Variants in LARP1B observed in about 807,000 individuals in gnomAD.
LARP1B encodes La ribonucleoprotein 1B, also known as la-related protein 1B.
In LARP1B, 76 loss-of-function variants were observed where a neutral mutation model predicts 114.2. The ratio of observed to expected loss-of-function variants is 0.67; its 90% CI spans 0.55 to 0.81. LARP1B has a LOEUF of 0.81. LARP1B is among the 30% of genes least tolerant of loss of function. The pLI is 0.00. For missense variants in LARP1B, 1,014 were observed against 1,075.8 expected (o/e 0.94, Z 0.80); for synonymous variants, 345 against 348.0 (o/e 0.99, Z 0.10).
chr4:128,066,165 C>CTTTTTTTTTTTTTTTTTTTTTT (rs59927866), intron 1 of LARP1B, among the ~76,000 whole-genome samples: 13 of 99,184 alleles, frequency 1.3e-4, no homozygotes, highest in East Asian at 3.0e-4. Flanking sequence ...TTTCTTTCTT[C>CTTTTTTTTTTTTTTTTTTTTTT]TTTTTTTTTT....
At chr4:128,107,637 A>T in intron 9 of LARP1B, 1 of 1,415,054 alleles carries the variant, frequency 7.1e-7, no homozygotes, top group Admixed American at 3.1e-5. Flanking sequence ...TTGGAATAGT[A>T]TGATTGGATT....
chr4:128,080,136 C>T (rs533402939), intron 4 of LARP1B, among the ~76,000 whole-genome samples: 34 of 152,138 alleles, frequency 2.2e-4, no homozygotes, highest in African/African-American at 7.9e-4. Context: ...AGGCACCACA[C>T]CCAGCTAATT....
At chr4:128,082,992 C>G (rs1476308009) in intron 5 of LARP1B, among the ~76,000 whole-genome samples, 2 of 151,684 alleles carry the variant, frequency 1.3e-5, no homozygotes, top group Non-Finnish European at 2.9e-5. Flanking sequence ...TCCCTGGGTA[C>G]TTGAGATTAG....
At chr4:128,113,684 A>T (rs1433580871) in intron 9 of LARP1B, among the ~76,000 whole-genome samples, 1 of 151,936 alleles carries the variant, frequency 6.6e-6, no homozygotes, top group Non-Finnish European at 1.5e-5. Context: ...AACCTACAGA[A>T]GTGTACTGTA....
At chr4:128,131,591 G>A (rs1293070441) in intron 11 of LARP1B, among the ~76,000 whole-genome samples, 1 of 152,088 alleles carries the variant, frequency 6.6e-6, no homozygotes, top group Non-Finnish European at 1.5e-5. Context: ...GGTGGTGTGT[G>A]TCTGTATTCC....
rs1480402053 is a variant in LARP1B, at chr4:128,109,256, T to A, written c.988+1943T>A. Among the ~76,000 whole-genome samples, 3 of 152,272 alleles carry A rather than the reference T, an allele frequency of 2.0e-5. No individual in the cohort carries two copies. In the East Asian group the frequency reaches 5.8e-4, roughly 29 times the overall value. On this transcript the variant is annotated intron_variant, in intron 9 of 19. Coordinates refer to ENST00000326639, the MANE Select transcript of LARP1B (RefSeq NM_018078.4). Reference sequence around the variant, plus strand: ...AGAGATAAGAAGCATAGACTGTGCTTATATGTATCTATGAGTAGAGAAAAG... The same window carrying A: ...AGAGATAAGAAGCATAGACTGTGCTAATATGTATCTATGAGTAGAGAAAAG...
chr4:128,219,261 G>A (rs1434066171), intron 6 of LARP1B, among the ~76,000 whole-genome samples: 1 of 128,418 alleles, frequency 7.8e-6, no homozygotes, highest in Non-Finnish European at 1.6e-5. Flanking sequence ...TCTAGAACTA[G>A]AAATACCATT....
Position 128,091,456 on chromosome 4 carries a change from T to C in LARP1B, c.612T>C (p.Gly204=). 6.2e-7 allele frequency: 1 copy of C among 1,610,788 alleles called. No individual in the cohort carries two copies. ...TGTATTACTATGATGATGGTACAGG[T>C]GTACAGGTGTATCCTGTGGAAGAAG... ...SMMYYYDDGT[G]VQVYPVEEAL... is the part of the protein sequence containing the mutation. Residue 204 remains glycine, a synonymous_variant, in exon 7 of 20, where the codon GGT becomes GGC. Coordinates refer to ENST00000326639, the MANE Select transcript of LARP1B (RefSeq NM_018078.4).
downstream of LARP1B, among the ~76,000 whole-genome samples, chr4:128,213,227 A>G (rs528724187): frequency 6.6e-6 from 1 of 152,282 alleles, no homozygotes; most frequent in East Asian, 1.9e-4. Flanking sequence ...AAATCTCATT[A>G]TTAATGTCAC....
intron 11 of LARP1B, chr4:128,155,769 G>A (rs1735297896): frequency 6.2e-7 from 1 of 1,602,904 alleles, no homozygotes. Flanking sequence ...ACTGGAGGAA[G>A]GAACTGACTG....
intron 15 of LARP1B, among the ~76,000 whole-genome samples, chr4:128,186,815 A>G (rs1581412864): frequency 6.6e-6 from 1 of 152,162 alleles, no homozygotes; most frequent in Non-Finnish European, 1.5e-5. Flanking sequence ...GGAGGACAGA[A>G]TGGGGCCCTG....
intron 9 of LARP1B, chr4:128,107,684 C>T (rs1475350776): frequency 1.4e-6 from 2 of 1,433,796 alleles, no homozygotes; most frequent in Middle Eastern, 2.6e-4. Context: ...GTGGGGTAGT[C>T]TTCCTTTAAT....
In LARP1B at chr4:128,174,898, C is replaced by A. The variant is rs552420724; in HGVS notation, c.1649-1974C>A. ...AATAATTTGTAATATCATCTACTAC[C>A]CAGTATATGTTTAGTTGTCCCTAAT... On this transcript the variant is annotated intron_variant, in intron 12 of 19. Coordinates refer to ENST00000326639, the MANE Select transcript of LARP1B (RefSeq NM_018078.4). 2.1e-4 allele frequency among the ~76,000 whole-genome samples: 32 copies of A among 152,098 alleles called. No homozygotes were observed. In the South Asian group the frequency reaches 6.4e-3, roughly 31 times the overall value.
At chr4:128,114,872 G>A (rs1785251200) in intron 10 of LARP1B, 130 bp downstream of exon 10, 4 of 690,242 alleles carry the variant, frequency 5.8e-6, no homozygotes, top group Admixed American at 2.7e-5. Context: ...TGTAATTGTT[G>A]GCCTTCAGTA....
At chr4:128,199,281 A>C (rs1043772768) in intron 15 of LARP1B, among the ~76,000 whole-genome samples, 158 bp from the exon 16 acceptor site, 2 of 152,234 alleles carry the variant, frequency 1.3e-5, no homozygotes, top group Non-Finnish European at 2.9e-5. Context: ...AAATAGCACT[A>C]TATGCAGATC....
rs568502480 is a variant in LARP1B, at chr4:128,145,021, A to G, written c.1525-17173A>G. Among the ~76,000 whole-genome samples the G allele has an allele frequency of 3.3e-5, 5 of 152,284 alleles. No homozygotes were observed. The South Asian group carries it at 1.0e-3, about 32-fold the overall frequency. On this transcript the variant is annotated intron_variant, in intron 11 of 19. Transcript: ENST00000326639. ...CACTGCTAGTAATTTTTAAAGTTTTATACTGTTCATTATACATATGCTGTA... is the reference window on the plus strand; with the variant it reads ...CACTGCTAGTAATTTTTAAAGTTTTGTACTGTTCATTATACATATGCTGTA...
intron 1 of LARP1B, 193 bp downstream of exon 1, chr4:128,061,594 G>T: frequency 1.2e-6 from 1 of 817,886 alleles, no homozygotes; most frequent in Non-Finnish European, 1.5e-6. Context: ...CGGGTTGTCT[G>T]TCCCCAGTTG....
intron 11 of LARP1B, among the ~76,000 whole-genome samples, chr4:128,127,929 T>C (rs893850127): frequency 6.6e-5 from 10 of 152,214 alleles, no homozygotes; most frequent in African/African-American, 1.7e-4. Flanking sequence ...GTCATAAGGA[T>C]GAACATATAG....
At position 128,210,426 on chromosome 4, in the gene LARP1B, T is replaced by C. The variant is rs1262930922; in HGVS notation, c.*373T>C. On this transcript the variant is annotated 3_prime_UTR_variant, in exon 20 of 20. Coordinates refer to ENST00000326639, the MANE Select transcript of LARP1B (RefSeq NM_018078.4). ...AAGGAATGCCTAACATTTCAGCTCATACTTCTTAAAGAAGATATAGTATGT... is the reference window on the plus strand; with the variant it reads ...AAGGAATGCCTAACATTTCAGCTCACACTTCTTAAAGAAGATATAGTATGT... 1 of 1,034,496 alleles carries C rather than the reference T, an allele frequency of 9.7e-7. No homozygotes were observed. Among genetic ancestry groups the C allele is most frequent in the Non-Finnish European group, 1.2e-6 (1 of 858,208 alleles). The allele number at this position is 1,034,496 out of a possible 1,614,324, so 64.1% of individuals were successfully genotyped here. A position where few individuals can be genotyped will look rare whatever the true frequency, so the allele number is the denominator to read the frequency against.
Sources: allele counts gnomAD v4.1 joint callset (sites outside exome capture counted in the v4.1 genomes callset), GRCh38; gene constraint gnomAD v4.1.1; transcripts MANE v1.5; gene names NCBI Gene and HGNC (gene_info 2026-07-23, HGNC 2026-07-21).